FLT1: variants seen among roughly 807,000 people sequenced by gnomAD.
FLT1 encodes fms related receptor tyrosine kinase 1, also known as vascular endothelial growth factor receptor 1.
In FLT1, 49 loss-of-function variants were observed where a neutral mutation model predicts 156.3. That is an observed-to-expected ratio of 0.31 (90% CI 0.25 to 0.40). The LOEUF is 0.40. Among genes scored for constraint, FLT1 ranks in the 10% least tolerant of loss-of-function variants. The pLI is 1.00. For missense variants in FLT1, 1,322 were observed against 1,637.2 expected, an observed-to-expected ratio of 0.81 and a Z score of 3.32; for synonymous variants, 594 against 583.8, an observed-to-expected ratio of 1.02 and a Z score of -0.25.
chr13:28,332,392 A>G (rs1871965523), intron 18 of FLT1, among the ~76,000 whole-genome samples: 1 of 152,150 alleles, frequency 6.6e-6, no homozygotes, highest in South Asian at 2.1e-4. Flanking sequence ...TAGTGTGGAT[A>G]TCAGAGCTGC....
At chr13:28,390,385 G>T (rs528455366) in intron 12 of FLT1, among the ~76,000 whole-genome samples, 37 of 152,234 alleles carry the variant, frequency 2.4e-4, no homozygotes, top group African/African-American at 7.9e-4. Context: ...TCTCCAACTT[G>T]GTTGTTAACT....
chr13:28,397,679 A>G (rs1031061789), intron 11 of FLT1, among the ~76,000 whole-genome samples: 3 of 151,400 alleles, frequency 2.0e-5, no homozygotes, highest in African/African-American at 7.3e-5. Flanking sequence ...ATGCCACTGT[A>G]CCTGGCTTGA....
At chr13:28,456,104 C>T (rs1326444615) in intron 3 of FLT1, among the ~76,000 whole-genome samples, 1 of 152,150 alleles carries the variant, frequency 6.6e-6, no homozygotes, top group Non-Finnish European at 1.5e-5. Context: ...TAAAATTGAG[C>T]AATCATGTTC....
Position 28,308,853 on chromosome 13 carries a change from G to C in FLT1, c.3710C>G (p.Ser1237Cys). 6.2e-7 allele frequency: 1 copy of C among 1,610,410 alleles called. No homozygotes were observed. Among genetic ancestry groups the C allele is most frequent in the Non-Finnish European group, 8.5e-7 (1 of 1,176,548 alleles). The change falls in exon 28 of 30, where the codon TCC (serine) becomes TGC (cysteine). Residue 1237 changes from serine (S) to cysteine (C), a missense_variant. Physicochemically the swap from Ser to Cys is moderately radical, Grantham distance 112. Around this residue, in one of 3 missense-constraint regions of FLT1, gnomAD observed 329 missense variants for 366.2 expected, o/e 0.90. Transcript: ENST00000282397. ...TFEELLPNAT[S>C]MFDDYQGDSS... ...AACTTCACGACTTACATCAAACATG[G>C]AGGTGGCATTCGGTAAAAGTTCTTC...
intron 3 of FLT1, 83 bp from the exon 4 acceptor site, chr13:28,438,428 TA>T: frequency 9.6e-7 from 1 of 1,040,834 alleles, no homozygotes; most frequent in Admixed American, 1.8e-5. Context: ...TGTGGTATGG[TA>T]GGCATTGCCA....
chr13:28,335,193 C>A (rs541695898), intron 17 of FLT1, among the ~76,000 whole-genome samples: 22 of 152,160 alleles, frequency 1.4e-4, no homozygotes, highest in Admixed American at 5.9e-4. Context: ...GCATGATATA[C>A]CCAAAGAAGA....
intron 10 of FLT1, among the ~76,000 whole-genome samples, chr13:28,411,545 T>G (rs1424813878): frequency 1.2e-4 from 5 of 40,034 alleles, no homozygotes; most frequent in Non-Finnish European, 1.9e-4. Flanking sequence ...AAACTCCATC[T>G]CAAAAAAAAA....
intron 15 of FLT1, among the ~76,000 whole-genome samples, chr13:28,355,525 G>A (rs1003206206): frequency 1.3e-5 from 2 of 152,196 alleles, no homozygotes; most frequent in African/African-American, 4.8e-5. Flanking sequence ...TCCAGAAGCG[G>A]GGATTGAGAG....
chr13:28,357,542 G>C lies in FLT1; in HGVS notation c.2248+12C>G. ...GACCAATTTCTTGTTGCTTTCTTAAGCAGCTGTTTACCTTGAACAGTGAGG... is the reference window on the plus strand; with the variant it reads ...GACCAATTTCTTGTTGCTTTCTTAACCAGCTGTTTACCTTGAACAGTGAGG... On this transcript the variant is annotated intron_variant, in intron 15 of 29. Transcript: ENST00000282397. 1.2e-6 allele frequency: 2 copies of C among 1,613,988 alleles called. No individual in the cohort carries two copies. Among genetic ancestry groups the C allele is most frequent in the Non-Finnish European group, 1.7e-6 (2 of 1,179,860 alleles).
intron 25 of FLT1, 92 bp from the exon 26 acceptor site, chr13:28,312,190 C>T (rs1871033776): frequency 8.5e-6 from 7 of 827,132 alleles, no homozygotes; most frequent in South Asian, 4.1e-5. Context: ...TGTCATCATC[C>T]GCATAAAGCC....
chr13:28,476,659 G>A (rs1475611285), intron 1 of FLT1, among the ~76,000 whole-genome samples: 1 of 152,150 alleles, frequency 6.6e-6, no homozygotes, highest in Non-Finnish European at 1.5e-5. Context: ...GATTCAATAT[G>A]TGAAGTCTCT....
chr13:28,419,532 A>C (rs9513106), intron 10 of FLT1, among the ~76,000 whole-genome samples: 45,426 of 152,082 alleles, frequency 0.3, 7,113 homozygotes, highest in East Asian at 0.49. Flanking sequence ...TTGTGTCACT[A>C]TCTTCTGGTA....
At position 28,345,427 on chromosome 13, in the gene FLT1, C is replaced by T. The variant is rs1450347107; in HGVS notation, c.2355+18G>A. 3 of 1,466,814 alleles carry T rather than the reference C, an allele frequency of 2.0e-6. No individual in the cohort carries two copies. Among genetic ancestry groups the T allele is most frequent in the Non-Finnish European group, 2.9e-6 (3 of 1,049,532 alleles). 90.9% of individuals were successfully genotyped at this position (1,466,814 alleles called of 1,614,324 possible). A position where few individuals can be genotyped will look rare whatever the true frequency, so the allele number is the denominator to read the frequency against. On this transcript the variant is annotated intron_variant, in intron 16 of 29. Transcript: ENST00000282397. ...AATATATGTAAAAAGGAGCATAGAACATCACCTATGTTCTTACCCTTTTCA... is the reference window on the plus strand; with the variant it reads ...AATATATGTAAAAAGGAGCATAGAATATCACCTATGTTCTTACCCTTTTCA...
At position 28,491,494 on chromosome 13, in the gene FLT1, A is replaced by C. The variant is rs895391922; in HGVS notation, c.64+3286T>G. On this transcript the variant is annotated intron_variant, in intron 1 of 29. Transcript: ENST00000282397. ...ACTTTATAGAGTTATACATTCTGCTAGTGAAAAAAGCCCAAGATAAAGATG... is the reference window on the plus strand; with the variant it reads ...ACTTTATAGAGTTATACATTCTGCTCGTGAAAAAAGCCCAAGATAAAGATG... Among the ~76,000 whole-genome samples, 13 of 152,222 alleles carry C rather than the reference A, an allele frequency of 8.5e-5. 1 individual carries two copies. The highest frequency in any genetic ancestry group is 2.9e-5 in the Non-Finnish European group (2 of 68,026).
chr13:28,379,043 G>T (rs763163396), intron 14 of FLT1, among the ~76,000 whole-genome samples: 2 of 152,058 alleles, frequency 1.3e-5, no homozygotes, highest in Non-Finnish European at 2.9e-5. Context: ...GATCTTTCAC[G>T]ACATCAAGAA....
intron 14 of FLT1, among the ~76,000 whole-genome samples, chr13:28,373,218 A>C (rs1873700485): frequency 6.6e-6 from 1 of 152,158 alleles, no homozygotes; most frequent in Non-Finnish European, 1.5e-5. Flanking sequence ...TCTGCACTTC[A>C]TTTTGTTTCT....
chr13:28,394,330 A>AGGTATGT (rs1252370369), intron 12 of FLT1, among the ~76,000 whole-genome samples: 1 of 152,190 alleles, frequency 6.6e-6, no homozygotes, highest in Non-Finnish European at 1.5e-5. Flanking sequence ...AGCTTCAAGT[A>AGGTATGT]GGTATGTCTG....
intron 10 of FLT1, among the ~76,000 whole-genome samples, chr13:28,408,462 G>T (rs1040140525): frequency 6.6e-6 from 1 of 152,166 alleles, no homozygotes; most frequent in Admixed American, 6.5e-5. Flanking sequence ...TGTAATTGGG[G>T]CTATAAAAAT....
At chr13:28,459,235 C>T (rs1879430543) in intron 3 of FLT1, among the ~76,000 whole-genome samples, 1 of 152,206 alleles carries the variant, frequency 6.6e-6, no homozygotes, top group Admixed American at 6.5e-5. Context: ...AACATGTTCA[C>T]CTGTCTCCTG....
Sources: gnomAD v4.1 joint callset for allele counts (sites outside exome capture counted in the v4.1 genomes callset) on GRCh38, gnomAD v4.1.1 for gene constraint, gnomAD v4.1.1 regional missense constraint, MANE v1.5 for transcripts, NCBI Gene and HGNC (gene_info 2026-07-23, HGNC 2026-07-21) for gene names.